TMPRSS11F: variants seen among roughly 807,000 people sequenced by gnomAD.
TMPRSS11F encodes the protein transmembrane protease serine 11F.
A neutral mutation model predicts 60.2 loss-of-function variants in TMPRSS11F; 47 were observed. The observed-to-expected ratio is 0.78, with a 90% CI of 0.62 to 1.00. The LOEUF (loss-of-function observed/expected upper bound fraction) is 1.00, where lower values mean the gene tolerates loss of function less well. TMPRSS11F is among the 50% of genes least tolerant of loss of function. The pLI, the probability that TMPRSS11F is intolerant of heterozygous loss-of-function variation, is 0.00. For missense variants in TMPRSS11F, 519 were observed against 522.9 expected (o/e 0.99, Z 0.07); for synonymous variants, 166 against 167.3 (o/e 0.99, Z 0.06).
At chr4:68,087,705 A>ATTTT (rs764081696) in intron 3 of TMPRSS11F, among the ~76,000 whole-genome samples, 1 of 18,256 alleles carries the variant, frequency 5.5e-5, no homozygotes, top group Non-Finnish European at 3.2e-4. Flanking sequence ...CATTTTATTT[A>ATTTT]TTTATTTATT....
Position 68,083,595 on chromosome 4 carries a change from A to G in TMPRSS11F, c.282+6928T>C, listed in dbSNP as rs1184879484. Among the ~76,000 whole-genome samples the G allele has an allele frequency of 2.0e-5, 3 of 152,202 alleles. No homozygotes were observed. The East Asian group carries it at 5.8e-4, about 29-fold the overall frequency. ...AGAACTTTGGCCCTCTGAAAGCACC[A>G]AGAAATGAAGACAACAGACTATACT... is the stretch of plus-strand genomic sequence containing the variant. On this transcript the variant is annotated intron_variant, in intron 3 of 9. Coordinates refer to ENST00000356291, the MANE Select transcript of TMPRSS11F (RefSeq NM_207407.2).
intron 1 of TMPRSS11F, among the ~76,000 whole-genome samples, chr4:68,122,075 C>A (rs1052252644): frequency 1.3e-5 from 2 of 151,954 alleles, no homozygotes; most frequent in Admixed American, 1.3e-4. Flanking sequence ...TTCATTAAGA[C>A]CTAATTAATT....
intron 3 of TMPRSS11F, among the ~76,000 whole-genome samples, chr4:68,084,728 T>A (rs1004277814): frequency 7.9e-5 from 12 of 151,152 alleles, no homozygotes; most frequent in South Asian, 2.1e-4. Flanking sequence ...TTATTTATTT[T>A]TTTATGTTCT....
At chr4:68,066,494 T>C (rs1220936723) in intron 7 of TMPRSS11F, among the ~76,000 whole-genome samples, 1 of 152,166 alleles carries the variant, frequency 6.6e-6, no homozygotes, top group African/African-American at 2.4e-5. Flanking sequence ...AAGGAGATGG[T>C]TCTGGTCTCT....
intron 1 of TMPRSS11F, among the ~76,000 whole-genome samples, chr4:68,104,427 C>A (rs943021042): frequency 1.3e-5 from 2 of 152,094 alleles, no homozygotes; most frequent in African/African-American, 4.8e-5. Context: ...GGGGTGGTTA[C>A]CTCCATGCTG....
chr4:68,071,861 C>T (rs1264439255), intron 5 of TMPRSS11F, among the ~76,000 whole-genome samples: 1 of 152,006 alleles, frequency 6.6e-6, no homozygotes, highest in Non-Finnish European at 1.5e-5. Flanking sequence ...AGGGGTAAAC[C>T]TTCATGAAGA....
intron 4 of TMPRSS11F, among the ~76,000 whole-genome samples, chr4:68,073,576 T>G (rs1723523258): frequency 6.6e-6 from 1 of 152,160 alleles, no homozygotes. Context: ...AAGAAACACT[T>G]TACTGTGGAG....
At position 68,069,968 on chromosome 4, in the gene TMPRSS11F, C is replaced by T. The variant is rs200354776; in HGVS notation, c.553+1G>A. 17 of 1,600,172 alleles carry T rather than the reference C, an allele frequency of 1.1e-5. No individual in the cohort carries two copies. Among genetic ancestry groups the T allele is most frequent in the Admixed American group, 6.9e-5 (4 of 58,300 alleles). ...AGTTAATTGTGGGTTTTGGAACTTACGACTGTTGAGAAGATTCCTCATCTT... is the reference window on the plus strand; with the variant it reads ...AGTTAATTGTGGGTTTTGGAACTTATGACTGTTGAGAAGATTCCTCATCTT... On this transcript the variant is annotated splice_donor_variant, in intron 6 of 9. Coordinates refer to ENST00000356291, the MANE Select transcript of TMPRSS11F (RefSeq NM_207407.2). LOFTEE classifies it high-confidence loss of function.
chr4:68,100,263 C>T (rs1369889298), intron 1 of TMPRSS11F, among the ~76,000 whole-genome samples: 1 of 152,082 alleles, frequency 6.6e-6, no homozygotes, highest in Admixed American at 6.6e-5. Flanking sequence ...CTGGGAGTCT[C>T]ATAACCCAAA....
rs1723793698 is a variant in TMPRSS11F, at chr4:68,085,519, C to G, written c.282+5004G>C. 2.0e-5 allele frequency among the ~76,000 whole-genome samples: 3 copies of G among 152,254 alleles called. No homozygotes were observed. The South Asian group carries it at 6.2e-4, about 32-fold the overall frequency. ...CCACAGACATCATAAAGCCACTATA[C>G]AATCATCTACAAAACAATCAGCTAA... On this transcript the variant is annotated intron_variant, in intron 3 of 9. Coordinates refer to ENST00000356291, the MANE Select transcript of TMPRSS11F (RefSeq NM_207407.2).
chr4:68,124,116 G>A (rs1442381032), intron 1 of TMPRSS11F, among the ~76,000 whole-genome samples: 1 of 151,808 alleles, frequency 6.6e-6, no homozygotes, highest in African/African-American at 2.4e-5. Flanking sequence ...AGCTACTCGG[G>A]AGTCTAAAGC....
At chr4:68,123,907 A>G (rs1013943895) in intron 1 of TMPRSS11F, among the ~76,000 whole-genome samples, 9 of 152,152 alleles carry the variant, frequency 5.9e-5, no homozygotes, top group African/African-American at 2.2e-4. Flanking sequence ...CAAATAACTT[A>G]TATTTAATCT....
chr4:68,055,258 G>A lies in TMPRSS11F; in HGVS notation c.1159-1191C>T, dbSNP rs564563144. Among the ~76,000 whole-genome samples the A allele has an allele frequency of 2.6e-5, 4 of 152,230 alleles. No homozygotes were observed. In the South Asian group the frequency reaches 6.2e-4, roughly 24 times the overall value. On this transcript the variant is annotated intron_variant, in intron 9 of 9. Coordinates refer to ENST00000356291, the MANE Select transcript of TMPRSS11F (RefSeq NM_207407.2). ...TTTTTGTTTGTATCTTAAGACTAAA[G>A]GTAAGCCACTGAAGTGTTTCAGAGA...
chr4:68,071,025 T>C (rs1449735953), intron 5 of TMPRSS11F, among the ~76,000 whole-genome samples: 2 of 152,100 alleles, frequency 1.3e-5, no homozygotes, highest in Admixed American at 1.3e-4. Flanking sequence ...AATTTTTTAA[T>C]AAATTATACA....
At chr4:68,098,445 C>T (rs1724122535) in intron 2 of TMPRSS11F, among the ~76,000 whole-genome samples, 1 of 152,196 alleles carries the variant, frequency 6.6e-6, no homozygotes, top group Admixed American at 6.5e-5. Flanking sequence ...CTTCTTCCCA[C>T]AGTCATAAAA....
At chr4:68,090,250 A>G (rs1010931049) in intron 3 of TMPRSS11F, among the ~76,000 whole-genome samples, 2 of 152,052 alleles carry the variant, frequency 1.3e-5, no homozygotes, top group Non-Finnish European at 2.9e-5. Flanking sequence ...GATAAAATCA[A>G]GAGTTAAAAA....
intron 3 of TMPRSS11F, among the ~76,000 whole-genome samples, chr4:68,074,810 G>A (rs1286985422): frequency 6.6e-6 from 1 of 152,092 alleles, no homozygotes; most frequent in Non-Finnish European, 1.5e-5. Flanking sequence ...AAAAAGCACT[G>A]GGCTAGCAGG....
chr4:68,086,413 C>T (rs75892150), intron 3 of TMPRSS11F, among the ~76,000 whole-genome samples: 2,647 of 152,066 alleles, frequency 0.017, 75 homozygotes, highest in African/African-American at 0.06. Context: ...AACAAATACA[C>T]CAATAAGTTA....
chr4:68,093,575 G>T (rs1359635496), intron 2 of TMPRSS11F, among the ~76,000 whole-genome samples: 1 of 151,910 alleles, frequency 6.6e-6, no homozygotes, highest in Non-Finnish European at 1.5e-5. Context: ...AAGAGCTTCT[G>T]CACAGCAAAA....
Sources: allele counts gnomAD v4.1 joint callset (sites outside exome capture counted in the v4.1 genomes callset), GRCh38; gene constraint gnomAD v4.1.1; transcripts MANE v1.5; gene names NCBI Gene and HGNC (gene_info 2026-07-23, HGNC 2026-07-21).